The following TTLL5 variants were observed in gnomAD, a reference collection of about 807,000 sequenced individuals.
TTLL5 encodes tubulin polyglutamylase TTLL5.
TTLL5 carries 132 observed loss-of-function variants against 168.4 expected under a neutral mutation model. The observed-to-expected ratio is 0.78, with a 90% CI of 0.68 to 0.91. TTLL5 has a LOEUF of 0.91. TTLL5 is among the 40% of genes least tolerant of loss of function. The pLI is 0.00. For missense variants in TTLL5, 1,545 were observed against 1,581.5 expected (o/e 0.98, Z 0.39); for synonymous variants, 546 against 558.6 (o/e 0.98, Z 0.32).
intron 26 of TTLL5, among the ~76,000 whole-genome samples, chr14:75,791,858 G>A (rs547206440): frequency 6.6e-6 from 1 of 152,186 alleles, no homozygotes; most frequent in East Asian, 1.9e-4. Flanking sequence ...TGAGTTTAAA[G>A]ATTTTTTTTG....
intron 28 of TTLL5, among the ~76,000 whole-genome samples, chr14:75,835,762 A>G (rs1431720976): frequency 1.3e-5 from 2 of 152,250 alleles, no homozygotes; most frequent in African/African-American, 2.4e-5. Flanking sequence ...TGTCAAAAGA[A>G]GGCATATAAA....
intron 28 of TTLL5, among the ~76,000 whole-genome samples, chr14:75,835,099 A>G (rs1322402947): frequency 2.0e-5 from 3 of 152,106 alleles, no homozygotes; most frequent in Non-Finnish European, 4.4e-5. Flanking sequence ...AAACAAAACA[A>G]TTTGAGCTTT....
chr14:75,680,132 A>G (rs1884488783), intron 3 of TTLL5, among the ~76,000 whole-genome samples: 2 of 152,208 alleles, frequency 1.3e-5, no homozygotes, highest in Non-Finnish European at 2.9e-5. Flanking sequence ...TTCTTAGCTA[A>G]CTTTTTCAGT....
chr14:75,794,225 G>A (rs973170201), intron 27 of TTLL5, among the ~76,000 whole-genome samples: 13 of 152,162 alleles, frequency 8.5e-5, no homozygotes, highest in Non-Finnish European at 1.2e-4. Flanking sequence ...TTGATTCTTG[G>A]AGGGAGTTGG....
rs761573095 is a variant in TTLL5, at chr14:75,793,026, C to G, written c.3097C>G (p.Leu1033Val). ...RYNQSMVTAE[L>V]QRLAEKQAAR... ...CAACCAAAGTATGGTTACAGCTGAA[C>G]TTCAGCGGCTAGCTGAGAAGCAGGC... Residue 1033 changes from leucine to valine, a missense_variant, in exon 27 of 32, where the codon CTT (leucine) becomes GTT (valine). By Grantham distance (32) the Leu-to-Val change is conservative. Coordinates refer to ENST00000298832, the MANE Select transcript of TTLL5 (RefSeq NM_015072.5). 3.1e-6 allele frequency: 5 copies of G among 1,613,742 alleles called. No individual in the cohort carries two copies. In the African/African-American group the frequency reaches 6.7e-5, roughly 22 times the overall value.
intron 28 of TTLL5, among the ~76,000 whole-genome samples, chr14:75,863,027 C>T (rs1263928659): frequency 6.6e-6 from 1 of 152,150 alleles, no homozygotes; most frequent in Non-Finnish European, 1.5e-5. Flanking sequence ...ACTGACTACT[C>T]AAAAAGGCCA....
chr14:75,786,667 A>T (rs1892381522), intron 26 of TTLL5, among the ~76,000 whole-genome samples: 1 of 152,214 alleles, frequency 6.6e-6, no homozygotes, highest in Non-Finnish European at 1.5e-5. Context: ...TTAACTCTAT[A>T]GACTTTTTAA....
chr14:75,898,581 G>A (rs1004161465), intron 30 of TTLL5, among the ~76,000 whole-genome samples: 2 of 152,186 alleles, frequency 1.3e-5, no homozygotes, highest in African/African-American at 4.8e-5. Context: ...AGTTGAGGCT[G>A]CAGTGAGCTG....
At chr14:75,933,310 T>G (rs987171302) in intron 31 of TTLL5, among the ~76,000 whole-genome samples, 5 of 151,976 alleles carry the variant, frequency 3.3e-5, no homozygotes, top group African/African-American at 1.2e-4. Flanking sequence ...ATTAAAAAAT[T>G]AGCCAGGCCG....
intron 31 of TTLL5, among the ~76,000 whole-genome samples, chr14:75,907,622 C>T (rs1190010308): frequency 6.6e-6 from 1 of 152,202 alleles, no homozygotes; most frequent in Non-Finnish European, 1.5e-5. Flanking sequence ...ATATCTTTCC[C>T]TAGCCCATCT....
At chr14:75,699,052 C>A in intron 6 of TTLL5, 136 bp from the exon 7 acceptor site, 1 of 698,092 alleles carries the variant, frequency 1.4e-6, no homozygotes, top group South Asian at 1.7e-5. Flanking sequence ...ATTTTAGTTA[C>A]TGCCCAACAC....
chr14:75,820,203 G>T, intron 28 of TTLL5, 42 bp downstream of exon 28: 2 of 1,523,896 alleles, frequency 1.3e-6, no homozygotes, highest in Non-Finnish European at 1.8e-6. Flanking sequence ...GTTACTCAGG[G>T]ATGGCCTGTG....
chr14:75,710,873 A>C (rs762415955), intron 9 of TTLL5: 6 of 152,234 alleles, frequency 3.9e-5, no homozygotes, highest in Non-Finnish European at 7.3e-5. Context: ...GAGGCTCAAC[A>C]AGAAAAACCA....
chr14:75,828,423 G>A (rs1895357200), intron 28 of TTLL5, among the ~76,000 whole-genome samples: 1 of 151,960 alleles, frequency 6.6e-6, no homozygotes, highest in Admixed American at 6.5e-5. Flanking sequence ...TCTTCCTTAT[G>A]ATTTTCTCAA....
intron 31 of TTLL5, among the ~76,000 whole-genome samples, chr14:75,929,060 A>G (rs935669191): frequency 2.1e-5 from 3 of 146,210 alleles, no homozygotes; most frequent in Non-Finnish European, 3.0e-5. Context: ...CAGAGAGATC[A>G]TCTTGTCATT....
intron 28 of TTLL5, among the ~76,000 whole-genome samples, chr14:75,856,731 A>AT (rs1897150551): frequency 6.8e-6 from 1 of 146,872 alleles, no homozygotes; most frequent in South Asian, 2.1e-4. Context: ...GGTTCAAGTG[A>AT]TTCTCCTGCC....
intron 31 of TTLL5, among the ~76,000 whole-genome samples, chr14:75,932,997 A>G (rs1052341461): frequency 6.6e-6 from 1 of 152,240 alleles, no homozygotes; most frequent in Non-Finnish European, 1.5e-5. Flanking sequence ...TTTGAAGCAA[A>G]GAAATATTTG....
intron 17 of TTLL5, among the ~76,000 whole-genome samples, chr14:75,748,948 A>G (rs75525050): frequency 0.015 from 2,341 of 152,302 alleles, 81 homozygotes; most frequent in African/African-American, 0.053. Context: ...GGTTCTAAGT[A>G]TAGAGGTAGA....
At chr14:75,815,096 G>T (rs570424514) in intron 27 of TTLL5, among the ~76,000 whole-genome samples, 17 of 152,336 alleles carry the variant, frequency 1.1e-4, no homozygotes, top group African/African-American at 3.8e-4. Flanking sequence ...TTGATTATGG[G>T]TTAGCAGTAT....
Sources: gnomAD v4.1 joint callset for allele counts (sites outside exome capture counted in the v4.1 genomes callset) on GRCh38, gnomAD v4.1.1 for gene constraint, MANE v1.5 for transcripts, NCBI Gene and HGNC (gene_info 2026-07-23, HGNC 2026-07-21) for gene names.